Variants in PDE7A observed in about 807,000 individuals in gnomAD.
The protein encoded by PDE7A is high affinity 3',5'-cyclic-AMP phosphodiesterase 7A.
PDE7A carries 39 observed loss-of-function variants against 64.3 expected under a neutral mutation model. The ratio of observed to expected loss-of-function variants is 0.61; its 90% CI spans 0.47 to 0.79. The LOEUF (loss-of-function observed/expected upper bound fraction) is 0.79. PDE7A is among the 30% of genes least tolerant of loss of function. The probability of loss-of-function intolerance (pLI) is 0.00; values close to 1 mark genes in which losing one functional copy is unlikely to be tolerated. For synonymous variants in PDE7A, 203 were observed against 206.8 expected (o/e 0.98, Z 0.16); for missense variants, 470 against 582.8 (o/e 0.81, Z 1.99).
At chr8:65,772,944 G>T (rs982254969) in intron 3 of PDE7A, among the ~76,000 whole-genome samples, 1 of 152,118 alleles carries the variant, frequency 6.6e-6, no homozygotes, top group African/African-American at 2.4e-5. Flanking sequence ...GGAGACGGAG[G>T]CTGCAGTGAG....
At chr8:65,835,251 A>G (rs568824438) in intron 1 of PDE7A, among the ~76,000 whole-genome samples, 2 of 152,372 alleles carry the variant, frequency 1.3e-5, no homozygotes, top group East Asian at 1.9e-4. Context: ...GAATTTAAGA[A>G]TGTCTAGATC....
At chr8:65,793,778 A>T (rs1464968339) in intron 1 of PDE7A, among the ~76,000 whole-genome samples, 1 of 151,394 alleles carries the variant, frequency 6.6e-6, no homozygotes, top group Non-Finnish European at 1.5e-5. Context: ...GTAACATAAA[A>T]TAACCTAAGA....
chr8:65,768,827 G>C (rs11782766), intron 3 of PDE7A, among the ~76,000 whole-genome samples: 73,603 of 152,008 alleles, frequency 0.48, 20,799 homozygotes, highest in African/African-American at 0.78. Context: ...TTCTGTGCTA[G>C]AATAATAGAT....
intron 3 of PDE7A, among the ~76,000 whole-genome samples, chr8:65,755,011 T>C (rs1273121997): frequency 1.3e-5 from 2 of 149,194 alleles, no homozygotes; most frequent in African/African-American, 4.9e-5. Context: ...CCTGTTTATT[T>C]TTTTTTTCAC....
Position 65,727,151 on chromosome 8 carries a change from A to G in PDE7A, c.828+19T>C. The G allele has an allele frequency of 7.3e-7, 1 of 1,360,890 alleles. No homozygotes were observed. Among genetic ancestry groups the G allele is most frequent in the Non-Finnish European group, 1.0e-6 (1 of 959,334 alleles). 84.3% of individuals were successfully genotyped at this position (1,360,890 alleles called of 1,614,324 possible). ...TAGAATGCAAAAATAATAAATCTTGATGATAAAATTGCACTAACCTTGTAT... is the reference window on the plus strand; with the variant it reads ...TAGAATGCAAAAATAATAAATCTTGGTGATAAAATTGCACTAACCTTGTAT... On this transcript the variant is annotated intron_variant, in intron 8 of 12. Transcript: ENST00000401827.
intron 3 of PDE7A, among the ~76,000 whole-genome samples, chr8:65,767,508 C>T (rs1461132511): frequency 1.3e-5 from 2 of 152,216 alleles, no homozygotes; most frequent in Non-Finnish European, 2.9e-5. Context: ...AGGAAACAAT[C>T]TCTCCAATAT....
intron 1 of PDE7A, among the ~76,000 whole-genome samples, chr8:65,799,375 A>C (rs1305028360): frequency 6.6e-6 from 1 of 152,160 alleles, no homozygotes. Flanking sequence ...TGTCAACCAT[A>C]ATAGGGAGTC....
chr8:65,782,858 A>T lies in PDE7A; in HGVS notation c.139-15T>A. On this transcript the variant is annotated splice_polypyrimidine_tract_variant and intron_variant, in intron 1 of 12. Coordinates refer to ENST00000401827, the MANE Select transcript of PDE7A (RefSeq NM_001242318.3). ...GCTCCACGCCTCTAGAAAAAAAAAT[A>T]CACATTATAATACATGACAATTAAA... 1 of 1,432,394 alleles carries T rather than the reference A, an allele frequency of 7.0e-7. No individual in the cohort carries two copies. The highest frequency in any genetic ancestry group is 9.8e-7 in the Non-Finnish European group (1 of 1,019,062). 88.7% of individuals were successfully genotyped at this position (1,432,394 alleles called of 1,614,324 possible).
intron 6 of PDE7A, among the ~76,000 whole-genome samples, chr8:65,738,360 T>C (rs1209564319): frequency 6.6e-6 from 1 of 152,194 alleles, no homozygotes; most frequent in East Asian, 1.9e-4. Context: ...CCCCAAAATA[T>C]GCTGCTTTGG....
At chr8:65,728,667 C>T (rs1300900482) in intron 7 of PDE7A, 1 of 120,612 alleles carries the variant, frequency 8.3e-6, no homozygotes, top group African/African-American at 2.6e-5. Flanking sequence ...AAAGCAATCT[C>T]CCCTCCTTGA....
At chr8:65,730,725 C>A (rs187326193) in intron 7 of PDE7A, among the ~76,000 whole-genome samples, 1 of 151,998 alleles carries the variant, frequency 6.6e-6, no homozygotes, top group South Asian at 2.1e-4. Context: ...GTCAGGAGTT[C>A]GAGACTAGCC....
intron 1 of PDE7A, among the ~76,000 whole-genome samples, chr8:65,817,629 T>C (rs927473747): frequency 1.3e-5 from 2 of 152,218 alleles, no homozygotes; most frequent in Non-Finnish European, 2.9e-5. Flanking sequence ...GGTGCTCTTA[T>C]GGAATAAGCC....
At chr8:65,812,816 T>G (rs1170325488) in intron 1 of PDE7A, among the ~76,000 whole-genome samples, 1 of 152,230 alleles carries the variant, frequency 6.6e-6, no homozygotes, top group Non-Finnish European at 1.5e-5. Flanking sequence ...ACCTTTTTAT[T>G]TTAACCTATC....
intron 1 of PDE7A, among the ~76,000 whole-genome samples, chr8:65,809,734 C>G (rs1171993652): frequency 2.6e-5 from 4 of 152,140 alleles, no homozygotes; most frequent in African/African-American, 4.8e-5. Context: ...ATGCAGCCAA[C>G]AGACACATGA....
chr8:65,743,326 T>C (rs540000228), intron 5 of PDE7A, among the ~76,000 whole-genome samples: 2 of 152,166 alleles, frequency 1.3e-5, no homozygotes, highest in African/African-American at 4.8e-5. Flanking sequence ...AGGCTAACTG[T>C]GTAAATGATA....
At chr8:65,788,867 A>C (rs1468887684) in intron 1 of PDE7A, 1 of 1,550,600 alleles carries the variant, frequency 6.4e-7, no homozygotes, top group Admixed American at 1.7e-5. Flanking sequence ...CATCCTAAAA[A>C]TAAAGATGGC....
chr8:65,732,333 CTATT>C (rs1158387017), intron 7 of PDE7A, among the ~76,000 whole-genome samples: 1 of 151,996 alleles, frequency 6.6e-6, no homozygotes, highest in Non-Finnish European at 1.5e-5. Flanking sequence ...TTCTATTTAT[CTATT>C]TGTTTAATGA....
At chr8:65,761,323 CA>C (rs1808484545) in intron 3 of PDE7A, among the ~76,000 whole-genome samples, 1 of 152,200 alleles carries the variant, frequency 6.6e-6, no homozygotes, top group African/African-American at 2.4e-5. Context: ...CTTGGCCTCC[CA>C]AAGTGCTAGG....
intron 3 of PDE7A, among the ~76,000 whole-genome samples, chr8:65,753,944 ATCTCTTT>A (rs1379042039): frequency 6.6e-6 from 1 of 151,834 alleles, no homozygotes; most frequent in African/African-American, 2.4e-5. Context: ...GTCACCCCAG[ATCTCTTT>A]TGGTTATTAT....
Sources: allele counts gnomAD v4.1 joint callset (sites outside exome capture counted in the v4.1 genomes callset), GRCh38; gene constraint gnomAD v4.1.1; transcripts MANE v1.5; gene names NCBI Gene and HGNC (gene_info 2026-07-23, HGNC 2026-07-21).